Variants in MAGI3 observed in about 807,000 individuals in gnomAD.
MAGI3 encodes membrane-associated guanylate kinase, WW and PDZ domain-containing protein 3.
MAGI3 carries 43 observed loss-of-function variants against 121.8 expected under a neutral mutation model. The ratio of observed to expected loss-of-function variants is 0.35; its 90% CI spans 0.28 to 0.46. The LOEUF (loss-of-function observed/expected upper bound fraction) is 0.46. Among genes scored for constraint, MAGI3 ranks in the 20% least tolerant of loss-of-function variants. The pLI, the probability that MAGI3 is intolerant of heterozygous loss-of-function variation, is 1.00. For synonymous variants in MAGI3, 553 were observed against 639.3 expected (o/e 0.86, Z 2.04); for missense variants, 1,547 against 1,797.3 (o/e 0.86, Z 2.52).
At chr1:113,395,263 G>A (rs976864562) in intron 1 of MAGI3, among the ~76,000 whole-genome samples, 1 of 151,548 alleles carries the variant, frequency 6.6e-6, no homozygotes, top group Non-Finnish European at 1.5e-5. Context: ...AGAAAATCTA[G>A]AGACCTAGAG....
intron 1 of MAGI3, among the ~76,000 whole-genome samples, chr1:113,479,481 A>G (rs751933804): frequency 5.0e-4 from 76 of 152,202 alleles, no homozygotes; most frequent in Middle Eastern, 6.8e-3. Flanking sequence ...TGGTCTTAAA[A>G]TCGTTCCCTT....
intron 6 of MAGI3, among the ~76,000 whole-genome samples, chr1:113,612,563 T>A (rs1257515448): frequency 1.3e-5 from 2 of 150,646 alleles, no homozygotes; most frequent in African/African-American, 5.0e-5. Context: ...TACCTTCACT[T>A]TAAATGAGCA....
intron 1 of MAGI3, among the ~76,000 whole-genome samples, chr1:113,430,314 G>C (rs1653239848): frequency 6.6e-6 from 1 of 152,058 alleles, no homozygotes; most frequent in African/African-American, 2.4e-5. Flanking sequence ...CAAATTTTTG[G>C]CAAATAAATG....
chr1:113,519,296 TC>T (rs1264851550), intron 1 of MAGI3, among the ~76,000 whole-genome samples: 1 of 152,176 alleles, frequency 6.6e-6, no homozygotes, highest in East Asian at 1.9e-4. Flanking sequence ...TAATTAATTA[TC>T]TTTTTGCTTT....
rs556106988 is a variant in MAGI3, at chr1:113,423,019, C to T, written c.316+31670C>T. ...TGCAGTCTGAGAGTATGTCACTGCC[C>T]ACAGCTTGGTGAGCCGACCAAGAAT... is the stretch of plus-strand genomic sequence containing the variant. On this transcript the variant is annotated intron_variant, in intron 1 of 20. Coordinates refer to ENST00000307546, the MANE Select transcript of MAGI3 (RefSeq NM_001142782.2). 2.6e-5 allele frequency among the ~76,000 whole-genome samples: 4 copies of T among 152,228 alleles called. No homozygotes were observed. In the East Asian group the frequency reaches 7.7e-4, roughly 29 times the overall value.
intron 2 of MAGI3, among the ~76,000 whole-genome samples, chr1:113,554,567 ATT>A (rs1315439179): frequency 1.3e-5 from 2 of 152,076 alleles, no homozygotes; most frequent in Admixed American, 1.3e-4. Context: ...AGAACTGGAA[ATT>A]GGACGAGGAA....
chr1:113,536,827 C>A (rs1659031452), intron 1 of MAGI3, among the ~76,000 whole-genome samples: 1 of 152,022 alleles, frequency 6.6e-6, no homozygotes, highest in Non-Finnish European at 1.5e-5. Flanking sequence ...TTGAAAAACT[C>A]TTCATATATA....
intron 1 of MAGI3, among the ~76,000 whole-genome samples, chr1:113,475,435 T>C (rs1655767169): frequency 1.3e-5 from 2 of 152,088 alleles, no homozygotes; most frequent in South Asian, 4.1e-4. Context: ...TTATTGAGAG[T>C]TTTTAGCATG....
At chr1:113,655,646 A>T (rs1244233222) in intron 15 of MAGI3, among the ~76,000 whole-genome samples, 1 of 152,078 alleles carries the variant, frequency 6.6e-6, no homozygotes, top group Non-Finnish European at 1.5e-5. Context: ...TCTCTTTAAG[A>T]TAGTGTCATT....
intron 1 of MAGI3, among the ~76,000 whole-genome samples, chr1:113,455,399 C>T (rs1420931024): frequency 6.6e-6 from 1 of 151,904 alleles, no homozygotes; most frequent in African/African-American, 2.4e-5. Context: ...TGTCATTCTT[C>T]TGCTTGAAAT....
At chr1:113,549,040 T>C (rs552242923) in intron 1 of MAGI3, among the ~76,000 whole-genome samples, 1 of 152,258 alleles carries the variant, frequency 6.6e-6, no homozygotes, top group African/African-American at 2.4e-5. Context: ...GAGGAAACAT[T>C]GGGGGCAGAT....
At chr1:113,506,278 GC>G (rs749956206) in intron 1 of MAGI3, among the ~76,000 whole-genome samples, 5 of 152,240 alleles carry the variant, frequency 3.3e-5, no homozygotes, top group African/African-American at 9.6e-5. Context: ...ATACTTTAGT[GC>G]CCCCAGCATT....
Position 113,555,012 on chromosome 1 carries a change from G to GA in MAGI3, c.433+5389dup, listed in dbSNP as rs892107339. Among the ~76,000 whole-genome samples the GA allele has an allele frequency of 6.1e-5, 9 of 148,524 alleles. No homozygotes were observed. In the East Asian group the frequency reaches 7.9e-4, roughly 13 times the overall value. On this transcript the variant is annotated intron_variant, in intron 2 of 20. Coordinates refer to ENST00000307546, the MANE Select transcript of MAGI3 (RefSeq NM_001142782.2). The stretch of plus-strand genomic sequence containing the variant: ...TTTGAAAAAGAAAATGCAAAATACA[G>GA]AAAAAAAAGATAAATTACATGCAAG...
At chr1:113,392,340 C>T (rs1650872287) in intron 1 of MAGI3, among the ~76,000 whole-genome samples, 1 of 152,202 alleles carries the variant, frequency 6.6e-6, no homozygotes, top group South Asian at 2.1e-4. Context: ...ATGTGCTCTG[C>T]TGAGTATACG....
chr1:113,549,365 G>A (rs1659669201), intron 1 of MAGI3, 150 bp from the exon 2 acceptor site: 2 of 491,362 alleles, frequency 4.1e-6, no homozygotes, highest in Non-Finnish European at 3.6e-6. Context: ...ATAATTTGGT[G>A]TTCTTTTCTT....
chr1:113,550,783 A>G (rs1175192663), intron 2 of MAGI3, among the ~76,000 whole-genome samples: 3 of 150,934 alleles, frequency 2.0e-5, no homozygotes, highest in Admixed American at 1.3e-4. Flanking sequence ...AAAAACGAAA[A>G]AAAATATATA....
At chr1:113,581,679 C>T (rs1038935918) in intron 3 of MAGI3, among the ~76,000 whole-genome samples, 1 of 152,080 alleles carries the variant, frequency 6.6e-6, no homozygotes, top group African/African-American at 2.4e-5. Flanking sequence ...CCATTGCTAC[C>T]ATGCTAGTCT....
Position 113,417,286 on chromosome 1 carries a change from A to G in MAGI3, c.316+25937A>G, listed in dbSNP as rs116340499. On this transcript the variant is annotated intron_variant, in intron 1 of 20. Coordinates refer to ENST00000307546, the MANE Select transcript of MAGI3 (RefSeq NM_001142782.2). ...TAGGTTGGTGATCTTTTGAGAATGC[A>G]ATTTCACCTTATAATGTATTTCAAC... is the stretch of plus-strand genomic sequence containing the variant. Among the ~76,000 whole-genome samples, 1,128 of 152,286 alleles carry G rather than the reference A, an allele frequency of 7.4e-3. 18 individuals carry two copies. The highest frequency in any genetic ancestry group is 0.026 in the African/African-American group (1,074 of 41,560).
intron 3 of MAGI3, among the ~76,000 whole-genome samples, chr1:113,583,866 G>A (rs963975966): frequency 1.3e-5 from 2 of 152,134 alleles, no homozygotes; most frequent in African/African-American, 4.8e-5. Flanking sequence ...GGGAGAGACA[G>A]GATGTCATTG....
Sources: allele counts gnomAD v4.1 joint callset (sites outside exome capture counted in the v4.1 genomes callset), GRCh38; gene constraint gnomAD v4.1.1; transcripts MANE v1.5; gene names NCBI Gene and HGNC (gene_info 2026-07-23, HGNC 2026-07-21).